PTPRD: variants seen among roughly 807,000 people sequenced by gnomAD.
PTPRD encodes receptor-type tyrosine-protein phosphatase delta.
Under a neutral mutation model 214.5 loss-of-function variants are expected in PTPRD, and 34 were observed. The observed-to-expected ratio is 0.16, with a 90% CI of 0.12 to 0.21. The LOEUF is 0.21. PTPRD is among the 10% of genes least tolerant of loss of function. The pLI is 1.00. For synonymous variants in PTPRD, 1,128 were observed against 845.7 expected (o/e 1.33, Z -5.79); for missense variants, 2,545 against 2,398.7 (o/e 1.06, Z -1.27).
At chr9:9,566,249 C>T (rs1449377634) in intron 8 of PTPRD, among the ~76,000 whole-genome samples, 4 of 151,716 alleles carry the variant, frequency 2.6e-5, no homozygotes, top group Non-Finnish European at 5.9e-5. Context: ...TCTTTGAACT[C>T]GATAAGATAA....
chr9:9,975,515 A>C (rs2095319833), intron 4 of PTPRD, among the ~76,000 whole-genome samples: 1 of 152,238 alleles, frequency 6.6e-6, no homozygotes, highest in Non-Finnish European at 1.5e-5. Flanking sequence ...GCACTACATC[A>C]CCTGGAACTT....
chr9:9,653,500 C>T (rs1056413273), intron 7 of PTPRD, among the ~76,000 whole-genome samples: 10 of 151,390 alleles, frequency 6.6e-5, no homozygotes, highest in Admixed American at 2.6e-4. Flanking sequence ...AAAAACTGCA[C>T]CTAAACTTGT....
intron 9 of PTPRD, among the ~76,000 whole-genome samples, chr9:9,226,827 A>T (rs531175568): frequency 1.2e-4 from 18 of 152,192 alleles, no homozygotes; most frequent in African/African-American, 4.1e-4. Flanking sequence ...TACTTAACAA[A>T]TGTTGAGTGA....
chr9:9,470,342 C>A (rs1472889356), intron 8 of PTPRD, among the ~76,000 whole-genome samples: 1 of 152,130 alleles, frequency 6.6e-6, no homozygotes, highest in Non-Finnish European at 1.5e-5. Flanking sequence ...AAGATACCAC[C>A]TATTGGAAGA....
In PTPRD at chr9:8,774,854, G is replaced by C. The variant is rs914153914; in HGVS notation, c.-103-40908C>G. Among the ~76,000 whole-genome samples, 3 of 152,082 alleles carry C rather than the reference G, an allele frequency of 2.0e-5. No individual in the cohort carries two copies. The East Asian group carries it at 5.8e-4, about 29-fold the overall frequency. On this transcript the variant is annotated intron_variant, in intron 11 of 45. Coordinates refer to ENST00000381196, the MANE Select transcript of PTPRD (RefSeq NM_002839.4). Reference sequence around the variant, plus strand: ...CAGCCATGAAAAGTAACTTTAAAGGGAGAAAATATATTAGAGGTTAGCAAT... The same window carrying C: ...CAGCCATGAAAAGTAACTTTAAAGGCAGAAAATATATTAGAGGTTAGCAAT...
chr9:8,955,763 C>A (rs1216204903), intron 11 of PTPRD, among the ~76,000 whole-genome samples: 3 of 151,518 alleles, frequency 2.0e-5, no homozygotes, highest in African/African-American at 7.3e-5. Flanking sequence ...TAAAAAAAGT[C>A]TTTCACACAC....
chr9:10,058,770 C>T (rs1401804602), intron 3 of PTPRD, among the ~76,000 whole-genome samples: 1 of 152,062 alleles, frequency 6.6e-6, no homozygotes, highest in East Asian at 1.9e-4. Flanking sequence ...GTCACAGCAC[C>T]TATATTTCCC....
intron 11 of PTPRD, among the ~76,000 whole-genome samples, chr9:8,935,274 G>A (rs572880691): frequency 2.3e-4 from 35 of 152,132 alleles, no homozygotes; most frequent in Non-Finnish European, 3.8e-4. Flanking sequence ...TACAAAATCA[G>A]TATTAAAAAT....
At chr9:9,132,732 C>G (rs2154475451) in intron 10 of PTPRD, among the ~76,000 whole-genome samples, 1 of 152,292 alleles carries the variant, frequency 6.6e-6, no homozygotes, top group East Asian at 1.9e-4. Context: ...GAACTGTAGG[C>G]AATGTTGCAG....
chr9:9,821,130 G>A (rs1661758616), intron 5 of PTPRD, among the ~76,000 whole-genome samples: 1 of 151,840 alleles, frequency 6.6e-6, no homozygotes, highest in Non-Finnish European at 1.5e-5. Flanking sequence ...TCCCATTTGT[G>A]TCATCTATGT....
chr9:8,631,007 G>A (rs1485956581), intron 14 of PTPRD, among the ~76,000 whole-genome samples: 1 of 151,698 alleles, frequency 6.6e-6, no homozygotes, highest in East Asian at 1.9e-4. Flanking sequence ...CTATATGATG[G>A]CACTGATTCT....
intron 27 of PTPRD, among the ~76,000 whole-genome samples, chr9:8,487,078 T>C (rs142464297): frequency 4.6e-5 from 7 of 152,224 alleles, no homozygotes; most frequent in Non-Finnish European, 8.8e-5. Flanking sequence ...ATCCACATCA[T>C]TCATCAAGTT....
intron 3 of PTPRD, among the ~76,000 whole-genome samples, chr9:10,308,961 T>C (rs960981111): frequency 1.3e-5 from 2 of 152,084 alleles, no homozygotes; most frequent in African/African-American, 2.4e-5. Context: ...TGTGTGAATA[T>C]ATTATGGGGC....
At chr9:9,381,781 T>G (rs2062369047) in intron 9 of PTPRD, among the ~76,000 whole-genome samples, 1 of 152,044 alleles carries the variant, frequency 6.6e-6, no homozygotes, top group Non-Finnish European at 1.5e-5. Flanking sequence ...TATAGCTTTG[T>G]TATGTATTTT....
intron 3 of PTPRD, among the ~76,000 whole-genome samples, chr9:10,099,440 A>G (rs904485672): frequency 6.6e-6 from 1 of 151,834 alleles, no homozygotes; most frequent in Non-Finnish European, 1.5e-5. Flanking sequence ...TATGAGTTAT[A>G]GTAAATTATA....
intron 4 of PTPRD, among the ~76,000 whole-genome samples, chr9:10,002,709 A>C (rs905424970): frequency 6.6e-6 from 1 of 151,538 alleles, no homozygotes; most frequent in Admixed American, 6.6e-5. Context: ...TTACAGAAAC[A>C]AAGAGAGAAA....
At chr9:9,342,318 C>T (rs764879043) in intron 9 of PTPRD, among the ~76,000 whole-genome samples, 1 of 151,876 alleles carries the variant, frequency 6.6e-6, no homozygotes, top group African/African-American at 2.4e-5. Context: ...TGCCACTTTA[C>T]TTGAATTTTA....
intron 10 of PTPRD, among the ~76,000 whole-genome samples, chr9:9,049,174 A>G (rs1177705517): frequency 6.6e-6 from 1 of 152,158 alleles, no homozygotes; most frequent in Admixed American, 6.5e-5. Flanking sequence ...TTCTCAAGGA[A>G]CATTCTACTG....
intron 5 of PTPRD, among the ~76,000 whole-genome samples, chr9:9,930,917 G>C (rs1602592073): frequency 6.6e-6 from 1 of 151,680 alleles, no homozygotes; most frequent in Non-Finnish European, 1.5e-5. Context: ...GCATTTACTA[G>C]ATAGGAATTA....
Sources: allele counts gnomAD v4.1 joint callset (sites outside exome capture counted in the v4.1 genomes callset), GRCh38; gene constraint gnomAD v4.1.1; transcripts MANE v1.5; gene names NCBI Gene and HGNC (gene_info 2026-07-23, HGNC 2026-07-21).